KRIT1: variants seen among roughly 807,000 people sequenced by gnomAD.
KRIT1 encodes the protein KRIT1 ankyrin repeat containing.
KRIT1 carries 45 observed loss-of-function variants against 95.8 expected under a neutral mutation model. That is an observed-to-expected ratio of 0.47 (90% CI 0.37 to 0.60). The LOEUF is 0.60. Ranked by LOEUF, KRIT1 falls within the 20% of genes least tolerant of loss-of-function variation. The probability of loss-of-function intolerance (pLI) is 0.00; values close to 1 mark genes in which losing one functional copy is unlikely to be tolerated. For missense variants in KRIT1, 788 were observed against 877.5 expected (o/e 0.90, Z 1.29); for synonymous variants, 282 against 278.8 (o/e 1.01, Z -0.11).
chr7:92,225,831 G>C lies in KRIT1; in HGVS notation c.1147-4C>G. Reference sequence around the variant, plus strand: ...TTCCTTGTTGGTCTGTTATATGCTAGAAATGTGGGTGGGGAGGGGGAAAAA... The same window carrying C: ...TTCCTTGTTGGTCTGTTATATGCTACAAATGTGGGTGGGGAGGGGGAAAAA... On this transcript the variant is annotated splice_polypyrimidine_tract_variant and splice_region_variant and intron_variant, in intron 11 of 18. Coordinates refer to ENST00000394505, the MANE Select transcript of KRIT1 (RefSeq NM_194454.3). 1 of 1,504,890 alleles carries C rather than the reference G, an allele frequency of 6.6e-7. No homozygotes were observed. Among genetic ancestry groups the C allele is most frequent in the African/African-American group, 1.4e-5 (1 of 72,848 alleles). The allele number at this position is 1,504,890 out of a possible 1,614,324, so 93.2% of individuals were successfully genotyped here. A position where few individuals can be genotyped will look rare whatever the true frequency, so the allele number is the denominator to read the frequency against.
chr7:92,214,017 T>C (rs370581322), intron 15 of KRIT1, 38 bp from the exon 16 acceptor site: 283 of 1,187,970 alleles, frequency 2.4e-4, no homozygotes, highest in Non-Finnish European at 3.3e-4. Flanking sequence ...AAATAAATCA[T>C]CTTTAGTAGC....
At chr7:92,242,620 A>G (rs1799930593) in intron 3 of KRIT1, among the ~76,000 whole-genome samples, 4 of 152,244 alleles carry the variant, frequency 2.6e-5, no homozygotes. Flanking sequence ...TTTTATATCC[A>G]TTGACATTTA....
At chr7:92,239,782 C>T (rs1799226592) in intron 5 of KRIT1, among the ~76,000 whole-genome samples, 1 of 148,516 alleles carries the variant, frequency 6.7e-6, no homozygotes, top group South Asian at 2.1e-4. Flanking sequence ...ACAATCTTGG[C>T]TCACTGTAAC....
intron 3 of KRIT1, among the ~76,000 whole-genome samples, chr7:92,242,883 G>A (rs13437678): frequency 0.26 from 38,863 of 151,968 alleles, 5,278 homozygotes; most frequent in Non-Finnish European, 0.31. Context: ...TGACAATCTC[G>A]CCTCAATGCA....
intron 11 of KRIT1, 38 bp from the exon 12 acceptor site, chr7:92,225,865 C>A (rs772169845): frequency 9.7e-7 from 1 of 1,035,752 alleles, no homozygotes. Context: ...AAAGGCATTA[C>A]ATATTATGGT....
intron 14 of KRIT1, among the ~76,000 whole-genome samples, chr7:92,220,041 C>T (rs941302770): frequency 2.0e-5 from 3 of 152,086 alleles, no homozygotes; most frequent in Admixed American, 6.6e-5. Flanking sequence ...CCTATGTATA[C>T]GTCATTTGCC....
chr7:92,205,084 T>C (rs1348089138), intron 17 of KRIT1, among the ~76,000 whole-genome samples: 1 of 152,146 alleles, frequency 6.6e-6, no homozygotes, highest in South Asian at 2.1e-4. Flanking sequence ...CGGTGGCTCA[T>C]ACCTGTAATC....
At chr7:92,226,892 C>T (rs374980358) in intron 10 of KRIT1, among the ~76,000 whole-genome samples, 11 of 152,270 alleles carry the variant, frequency 7.2e-5, no homozygotes, top group African/African-American at 2.4e-4. Context: ...TTCAATTAAA[C>T]TGTTTCTATT....
At position 92,226,522 on chromosome 7, in the gene KRIT1, T is replaced by G. The variant is rs1796239106; in HGVS notation, c.1146+4A>C. ...TATTTTTAAAAACCTGGAAAATAAC[T>G]TACTCTATCCGTTTCTGGGTGGTTT... On this transcript the variant is annotated splice_donor_region_variant and intron_variant, in intron 11 of 18. Coordinates refer to ENST00000394505, the MANE Select transcript of KRIT1 (RefSeq NM_194454.3). 6.2e-7 allele frequency: 1 copy of G among 1,605,762 alleles called. No individual in the cohort carries two copies. Among genetic ancestry groups the G allele is most frequent in the Non-Finnish European group, 8.5e-7 (1 of 1,172,546 alleles).
chr7:92,221,347 GA>G (rs1230085145), intron 14 of KRIT1, among the ~76,000 whole-genome samples: 1 of 152,030 alleles, frequency 6.6e-6, no homozygotes, highest in Non-Finnish European at 1.5e-5. Flanking sequence ...GCTGAGGCAC[GA>G]GAACTGCTTA....
intron 3 of KRIT1, among the ~76,000 whole-genome samples, chr7:92,243,796 T>C (rs1800229305): frequency 6.6e-6 from 1 of 152,118 alleles, no homozygotes; most frequent in South Asian, 2.1e-4. Context: ...ACTTTTCAAA[T>C]TTATTTTAAA....
intron 12 of KRIT1, among the ~76,000 whole-genome samples, chr7:92,224,064 G>C (rs971239649): frequency 1.3e-5 from 2 of 152,146 alleles, no homozygotes; most frequent in African/African-American, 4.8e-5. Flanking sequence ...TGCTCTTGGA[G>C]TAAGTGTTTT....
chr7:92,208,077 AGG>A (rs765096771), intron 17 of KRIT1, among the ~76,000 whole-genome samples: 3 of 152,144 alleles, frequency 2.0e-5, no homozygotes, highest in Non-Finnish European at 2.9e-5. Flanking sequence ...TACAAATAAA[AGG>A]AAATTAAACA....
intron 6 of KRIT1, among the ~76,000 whole-genome samples, chr7:92,237,062 G>A (rs1172758243): frequency 1.3e-5 from 2 of 152,072 alleles, no homozygotes; most frequent in Non-Finnish European, 2.9e-5. Flanking sequence ...CATGAAACAA[G>A]TGGGAGTAGA....
intron 3 of KRIT1, among the ~76,000 whole-genome samples, chr7:92,242,762 G>C (rs1197521568): frequency 6.6e-6 from 1 of 152,188 alleles, no homozygotes; most frequent in Non-Finnish European, 1.5e-5. Flanking sequence ...GCTTTCTGAA[G>C]GTGATTTAAG....
At position 92,201,351 on chromosome 7, in the gene KRIT1, G is replaced by A; in HGVS notation, c.2098C>T (p.His700Tyr). 8 of 1,594,618 alleles carry A rather than the reference G, an allele frequency of 5.0e-6. No homozygotes were observed. The highest frequency in any genetic ancestry group is 6.9e-6 in the Non-Finnish European group (8 of 1,162,676). The part of the protein sequence containing the change: ...LGDTDTCFQI[H>Y]SMENKMSFIV... ...AAGCTCATTTTATTTTCCATGCTAT[G>A]GATCTGAAAACAAGTATCAGTATCT... Residue 700 changes from histidine (H) to tyrosine (Y), a missense_variant, in exon 18 of 19, where the codon CAT becomes TAT. Physicochemically the swap from His to Tyr is moderately conservative, Grantham distance 83 (BLOSUM62 2). This residue lies in a region of KRIT1 where 493 missense variants were observed against 582.3 expected (regional missense o/e 0.85). Coordinates refer to ENST00000394505, the MANE Select transcript of KRIT1 (RefSeq NM_194454.3).
In KRIT1 at chr7:92,200,660, T is replaced by C; in HGVS notation, c.*76A>G. The stretch of plus-strand genomic sequence containing the variant: ...AGCCACCATGCTCGGCCAAAAGTAA[T>C]ATTTTAAGAAATCTTTCACGGAAAA... On this transcript the variant is annotated 3_prime_UTR_variant, in exon 19 of 19. Transcript: ENST00000394505. 1.0e-6 allele frequency: 1 copy of C among 1,003,618 alleles called. No individual in the cohort carries two copies. Among genetic ancestry groups the C allele is most frequent in the East Asian group, 2.4e-5 (1 of 41,436 alleles). The allele number at this position is 1,003,618 out of a possible 1,614,324, so 62.2% of individuals were successfully genotyped here.
In KRIT1 at chr7:92,242,152, T is replaced by G; in HGVS notation, c.-2-15A>C. ...ATTTCCCATTGCTTTACAAAACAAA[T>G]AAAAAAATCCTTTGAAAGATTAAAT... is the stretch of plus-strand genomic sequence containing the variant. On this transcript the variant is annotated splice_polypyrimidine_tract_variant and intron_variant, in intron 3 of 18. Transcript: ENST00000394505. 1 of 1,408,596 alleles carries G rather than the reference T, an allele frequency of 7.1e-7. No homozygotes were observed. Among genetic ancestry groups the G allele is most frequent in the Non-Finnish European group, 1.0e-6 (1 of 994,424 alleles). The allele number at this position is 1,408,596 out of a possible 1,614,324, so 87.3% of individuals were successfully genotyped here.
At chr7:92,224,443 C>T (rs942504822) in intron 12 of KRIT1, among the ~76,000 whole-genome samples, 1 of 151,822 alleles carries the variant, frequency 6.6e-6, no homozygotes, top group Admixed American at 6.6e-5. Context: ...TGTACTCCAG[C>T]CTGGGCAACA....
Sources: gnomAD v4.1 joint callset for allele counts (sites outside exome capture counted in the v4.1 genomes callset) on GRCh38, gnomAD v4.1.1 for gene constraint, gnomAD v4.1.1 regional missense constraint, MANE v1.5 for transcripts, NCBI Gene and HGNC (gene_info 2026-07-23, HGNC 2026-07-21) for gene names.